Variants in CHD9 observed in about 807,000 individuals in gnomAD.
The protein encoded by CHD9 is chromodomain helicase DNA binding protein 9, also known as ATP-dependent chromatin remodeler CHD9.
CHD9 carries 77 observed loss-of-function variants against 316.1 expected under a neutral mutation model. The observed-to-expected ratio is 0.24, with a 90% CI of 0.20 to 0.29. CHD9 has a LOEUF of 0.29. Among genes scored for constraint, CHD9 ranks in the 10% least tolerant of loss-of-function variants. CHD9 has a pLI of 1.00. For missense variants in CHD9, 2,763 were observed against 3,438.1 expected (o/e 0.80, Z 4.91); for synonymous variants, 1,129 against 1,158.3 (o/e 0.97, Z 0.51).
At chr16:53,191,829 G>A (rs1401007497) in intron 2 of CHD9, among the ~76,000 whole-genome samples, 1 of 152,098 alleles carries the variant, frequency 6.6e-6, no homozygotes, top group Non-Finnish European at 1.5e-5. Flanking sequence ...GTGTAGCTGT[G>A]TAACAAATTG....
intron 30 of CHD9, among the ~76,000 whole-genome samples, chr16:53,300,770 C>G (rs906124578): frequency 2.6e-5 from 4 of 152,228 alleles, no homozygotes; most frequent in Middle Eastern, 3.2e-3. Context: ...AGATGCATTG[C>G]TTGGATATTT....
At chr16:53,113,732 A>T (rs1322877887) in intron 1 of CHD9, among the ~76,000 whole-genome samples, 1 of 151,948 alleles carries the variant, frequency 6.6e-6, no homozygotes, top group African/African-American at 2.4e-5. Flanking sequence ...TTATTCTGTC[A>T]TTCTAAAAAA....
chr16:53,154,133 C>T (rs1037496713), intron 1 of CHD9, among the ~76,000 whole-genome samples: 8 of 152,278 alleles, frequency 5.3e-5, no homozygotes, highest in Middle Eastern at 3.4e-3. Flanking sequence ...TTAATATTAA[C>T]ACCCTTTCAA....
intron 1 of CHD9, among the ~76,000 whole-genome samples, chr16:53,067,067 C>T (rs896539111): frequency 6.6e-6 from 1 of 152,166 alleles, no homozygotes; most frequent in African/African-American, 2.4e-5. Context: ...GTCAGCCTCC[C>T]AAGTAGCTGG....
intron 24 of CHD9, among the ~76,000 whole-genome samples, chr16:53,283,167 A>G (rs1268750516): frequency 6.6e-6 from 1 of 152,108 alleles, no homozygotes; most frequent in Non-Finnish European, 1.5e-5. Context: ...ATAACCTCTC[A>G]GATCTGGGTT....
intron 1 of CHD9, among the ~76,000 whole-genome samples, chr16:53,080,965 C>T (rs1398822855): frequency 6.6e-6 from 1 of 152,200 alleles, no homozygotes; most frequent in Non-Finnish European, 1.5e-5. Context: ...TCATCTCTGA[C>T]CTTGGCCAGT....
At chr16:53,294,052 C>T (rs1049560617) in intron 29 of CHD9, among the ~76,000 whole-genome samples, 2 of 152,162 alleles carry the variant, frequency 1.3e-5, no homozygotes, top group East Asian at 3.9e-4. Flanking sequence ...AATATAAAAA[C>T]GTATGGAAAG....
chr16:53,109,035 C>T (rs79348068), intron 1 of CHD9, among the ~76,000 whole-genome samples: 2,024 of 152,090 alleles, frequency 0.013, 39 homozygotes, highest in African/African-American at 0.047. Context: ...TTGGGATGTG[C>T]AGGGAGGAAT....
At chr16:53,318,681 A>G (rs1009377291) in intron 37 of CHD9, among the ~76,000 whole-genome samples, 1 of 152,198 alleles carries the variant, frequency 6.6e-6, no homozygotes, top group African/African-American at 2.4e-5. Flanking sequence ...GTCTGGAGAC[A>G]TCTTTGGTAG....
intron 1 of CHD9, among the ~76,000 whole-genome samples, chr16:53,146,660 A>G (rs2040649898): frequency 6.6e-6 from 1 of 150,472 alleles, no homozygotes; most frequent in Non-Finnish European, 1.5e-5. Flanking sequence ...TTAGCCAGGT[A>G]TGGTGACACA....
rs77199764 is a variant in CHD9, at chr16:53,306,818, C to T, written c.6780+421C>T. Among the ~76,000 whole-genome samples the T allele has an allele frequency of 2.8e-4, 42 of 151,938 alleles. 1 individual carries two copies. In the East Asian group the frequency reaches 6.6e-3, roughly 24 times the overall value. ...CCTTTTTTTTTGAGTCTCACTCTGTCGCCCAAGCTGGCTTACAGTGGCACA... is the reference window on the plus strand; with the variant it reads ...CCTTTTTTTTTGAGTCTCACTCTGTTGCCCAAGCTGGCTTACAGTGGCACA... On this transcript the variant is annotated intron_variant, in intron 32 of 38. Coordinates refer to ENST00000447540, the MANE Select transcript of CHD9 (RefSeq NM_001308319.2).
At chr16:53,234,062 A>G (rs973956754) in intron 10 of CHD9, among the ~76,000 whole-genome samples, 1 of 152,120 alleles carries the variant, frequency 6.6e-6, no homozygotes, top group Non-Finnish European at 1.5e-5. Context: ...TTTCACTTCT[A>G]TGCTTCTAGA....
intron 2 of CHD9, chr16:53,168,646 CAA>C (rs2042448203): frequency 6.6e-6 from 1 of 152,130 alleles, no homozygotes; most frequent in Non-Finnish European, 1.5e-5. Context: ...TAGGTTGGTG[CAA>C]AACTTTCAGT....
chr16:53,259,964 T>C (rs1025232409), intron 19 of CHD9, among the ~76,000 whole-genome samples: 1 of 152,204 alleles, frequency 6.6e-6, no homozygotes. Context: ...TTCCTGAAAA[T>C]TGATATGTTT....
At chr16:53,323,642 T>C (rs1033191563) in intron 38 of CHD9, among the ~76,000 whole-genome samples, 1 of 152,218 alleles carries the variant, frequency 6.6e-6, no homozygotes, top group Non-Finnish European at 1.5e-5. Context: ...TCTTCCCAAT[T>C]AGAAGGGAGC....
intron 12 of CHD9, among the ~76,000 whole-genome samples, chr16:53,241,285 T>C (rs1012860982): frequency 2.0e-5 from 3 of 152,222 alleles, no homozygotes; most frequent in Admixed American, 6.5e-5. Flanking sequence ...TCACCACTTA[T>C]TGTTTCTCAA....
At chr16:53,091,841 T>G (rs1210681450) in intron 1 of CHD9, among the ~76,000 whole-genome samples, 4 of 152,130 alleles carry the variant, frequency 2.6e-5, no homozygotes, top group African/African-American at 7.2e-5. Context: ...CCTTCTCTCC[T>G]TCCTTCCTTT....
At chr16:53,319,311 A>C (rs1319561977) in intron 37 of CHD9, among the ~76,000 whole-genome samples, 1 of 152,236 alleles carries the variant, frequency 6.6e-6, no homozygotes, top group Non-Finnish European at 1.5e-5. Context: ...CTGTCTGTTA[A>C]ATGCACTCAC....
At chr16:53,124,467 ATTTTTTTTTTTTTTTTTTTT>A (rs753476091) in intron 1 of CHD9, among the ~76,000 whole-genome samples, 1 of 96,924 alleles carries the variant, frequency 1.0e-5, no homozygotes, top group African/African-American at 3.8e-5. Context: ...GTGAGACTTA[ATTTTTTTTTTTTTTTTTTTT>A]TTTTTTTGGA....
Sources: allele counts gnomAD v4.1 joint callset (sites outside exome capture counted in the v4.1 genomes callset), GRCh38; gene constraint gnomAD v4.1.1; transcripts MANE v1.5; gene names NCBI Gene and HGNC (gene_info 2026-07-23, HGNC 2026-07-21).